The following IRF8 variants were observed in gnomAD, a reference collection of about 807,000 sequenced individuals.
The protein encoded by IRF8 is interferon consensus sequence binding protein 1.
IRF8 carries 14 observed loss-of-function variants against 48.7 expected under a neutral mutation model. The observed-to-expected ratio is 0.29, with a 90% CI of 0.19 to 0.45. The LOEUF (loss-of-function observed/expected upper bound fraction) is 0.45. Among genes scored for constraint, IRF8 ranks in the 20% least tolerant of loss-of-function variants. The probability of loss-of-function intolerance (pLI) is 1.00; values close to 1 mark genes in which losing one functional copy is unlikely to be tolerated. For missense variants in IRF8, 493 were observed against 580.7 expected (o/e 0.85, Z 1.55); for synonymous variants, 278 against 227.3 (o/e 1.22, Z -2.01).
At chr16:85,912,949 C>G (rs1434515739) in intron 4 of IRF8, among the ~76,000 whole-genome samples, 182 bp from the exon 5 acceptor site, 2 of 152,242 alleles carry the variant, frequency 1.3e-5, no homozygotes, top group Non-Finnish European at 2.9e-5. Context: ...GAATGCTAAG[C>G]CTGGTAGATT....
chr16:85,909,253 T>A (rs551034020), intron 3 of IRF8, 80 bp downstream of exon 3: 3 of 1,154,786 alleles, frequency 2.6e-6, no homozygotes, highest in Admixed American at 3.7e-5. Context: ...GGGTCTGGGG[T>A]AGACACAGGG....
At chr16:85,900,171 A>G (rs1904785279) in intron 1 of IRF8, among the ~76,000 whole-genome samples, 1 of 152,136 alleles carries the variant, frequency 6.6e-6, no homozygotes, top group Admixed American at 6.5e-5. Flanking sequence ...GCTAGGCCAG[A>G]GCGAGTGCCC....
At position 85,918,436 on chromosome 16, in the gene IRF8, C is replaced by G. The variant is rs1427371180; in HGVS notation, c.621C>G (p.Ile207Met). The change falls in exon 7 of 9, where the codon ATC becomes ATG. Residue 207 changes from isoleucine (I) to methionine (M), a missense_variant. Ile to Met is a conservative substitution (Grantham distance 10). Around this residue, in one of 3 missense-constraint regions of IRF8, gnomAD observed 408 missense variants for 449.6 expected, o/e 0.91. Transcript: ENST00000268638. ...AHHSAFSQMV[I>M]SFYYGGKLVG... ...CCACAGCATTCTCCCAGATGGTGAT[C>G]AGCTTCTACTATGGGGGCAAGCTGG... 6 of 1,594,524 alleles carry G rather than the reference C, an allele frequency of 3.8e-6. No individual in the cohort carries two copies. Among genetic ancestry groups the G allele is most frequent in the Non-Finnish European group, 5.1e-6 (6 of 1,177,884 alleles).
In IRF8 at chr16:85,914,497, C is replaced by T. The variant is rs775333449; in HGVS notation, c.578C>T (p.Thr193Ile). Reference protein sequence around the residue: ...STGVPLVTGYTTYDAHHSAFS... With the variant: ...STGVPLVTGYITYDAHHSAFS... ...GGCGTGCCGCTGGTGACGGGGTACA[C>T]CACCTACGACGCGCACCATTCAGGT... The change falls in exon 6 of 9, where the codon ACC becomes ATC. Residue 193 changes from threonine to isoleucine, a missense_variant. Thr to Ile is a moderately conservative substitution (Grantham distance 89). Around this residue, in one of 3 missense-constraint regions of IRF8, gnomAD observed 408 missense variants for 449.6 expected, o/e 0.91. Transcript: ENST00000268638. 1.2e-6 allele frequency: 2 copies of T among 1,614,140 alleles called. No homozygotes were observed. The highest frequency in any genetic ancestry group is 2.2e-5 in the South Asian group (2 of 91,088).
chr16:85,902,776 G>C (rs79095430), intron 1 of IRF8: 1 of 354,176 alleles, frequency 2.8e-6, no homozygotes, highest in Non-Finnish European at 4.6e-6. Context: ...GGCCTGCAGG[G>C]GGCTGCTGGT....
Position 85,913,213 on chromosome 16 carries a change from G to C in IRF8, c.530G>C (p.Trp177Ser), listed in dbSNP as rs1392035627. 6.2e-7 allele frequency: 1 copy of C among 1,613,900 alleles called. No individual in the cohort carries two copies. The highest frequency in any genetic ancestry group is 1.7e-5 in the Admixed American group (1 of 60,034). ...TGTCGGAGTCAGCTCCTTCCAGACTGGTGGGCGCAGCAGCCCAGCACAGGT... is the reference window on the plus strand; with the variant it reads ...TGTCGGAGTCAGCTCCTTCCAGACTCGTGGGCGCAGCAGCCCAGCACAGGT... ...EACRSQLLPD[W>S]WAQQPSTGVP... Residue 177 changes from tryptophan (W) to serine (S), a missense_variant, in exon 5 of 9, where the codon TGG (tryptophan) becomes TCG (serine). Physicochemically the swap from Trp to Ser is radical, Grantham distance 177 (BLOSUM62 -3). Transcript: ENST00000268638.
intron 3 of IRF8, 94 bp downstream of exon 3, chr16:85,909,267 G>C (rs1191707622): frequency 7.3e-6 from 7 of 959,620 alleles, no homozygotes; most frequent in African/African-American, 1.6e-5. Context: ...CACAGGGTCT[G>C]GGGCACATAG....
At chr16:85,901,661 C>T (rs991846812) in intron 1 of IRF8, among the ~76,000 whole-genome samples, 3 of 152,156 alleles carry the variant, frequency 2.0e-5, no homozygotes, top group South Asian at 2.1e-4. Context: ...AATCCATAAA[C>T]GCACAACTGA....
intron 6 of IRF8, among the ~76,000 whole-genome samples, chr16:85,917,813 T>C (rs967726862): frequency 6.6e-6 from 1 of 152,258 alleles, no homozygotes; most frequent in Non-Finnish European, 1.5e-5. Flanking sequence ...ATTCTGTGTG[T>C]GCCACTTTTG....
At chr16:85,913,284 T>G in intron 5 of IRF8, 48 bp downstream of exon 5, 2 of 1,342,608 alleles carry the variant, frequency 1.5e-6, no homozygotes, top group Non-Finnish European at 2.1e-6. Flanking sequence ...CCTGAAGGGT[T>G]TACGGCATTC....
At chr16:85,920,437 G>A (rs1378998801) in intron 8 of IRF8, among the ~76,000 whole-genome samples, 1 of 152,100 alleles carries the variant, frequency 6.6e-6, no homozygotes, top group African/African-American at 2.4e-5. Flanking sequence ...TAGTAGAGAT[G>A]GGGTTTCACC....
intron 3 of IRF8, among the ~76,000 whole-genome samples, chr16:85,911,236 T>G (rs1275378254): frequency 6.6e-6 from 1 of 152,234 alleles, no homozygotes; most frequent in Non-Finnish European, 1.5e-5. Flanking sequence ...TGTAACCTTC[T>G]TAAGTTAGCA....
chr16:85,914,858 C>A (rs1480044965), intron 6 of IRF8, among the ~76,000 whole-genome samples: 1 of 150,646 alleles, frequency 6.6e-6, no homozygotes, highest in Non-Finnish European at 1.5e-5. Flanking sequence ...CCCAATTTCT[C>A]CTCCTCACCA....
intron 6 of IRF8, among the ~76,000 whole-genome samples, chr16:85,918,011 T>C (rs149137408): frequency 1.3e-5 from 2 of 152,234 alleles, no homozygotes; most frequent in Admixed American, 6.5e-5. Flanking sequence ...CCTTTTGTTA[T>C]GAATGTAGGC....
rs1184692322 is a variant in IRF8, at chr16:85,913,013, G to C, written c.448-118G>C. 29 of 832,114 alleles carry C rather than the reference G, an allele frequency of 3.5e-5. No individual in the cohort carries two copies. In the Admixed American group the frequency reaches 4.9e-4, roughly 14 times the overall value. 51.5% of individuals were successfully genotyped at this position (832,114 alleles called of 1,614,324 possible). ...GTGAAACTTGACTTTTGTCTCCTGA[G>C]ATAAAGGTGACAATATGGTTTTACT... On this transcript the variant is annotated intron_variant, in intron 4 of 8. Transcript: ENST00000268638.
intron 5 of IRF8, among the ~76,000 whole-genome samples, chr16:85,913,538 G>A (rs942655164): frequency 1.3e-5 from 2 of 152,256 alleles, no homozygotes; most frequent in East Asian, 1.9e-4. Flanking sequence ...AGGGTCTAGT[G>A]AACTTGTGTA....
At chr16:85,918,841 G>C in intron 7 of IRF8, 38 bp downstream of exon 7, 1 of 1,600,970 alleles carries the variant, frequency 6.2e-7, no homozygotes, top group Non-Finnish European at 8.5e-7. Flanking sequence ...CCACATCTTA[G>C]AGATCACGCC....
chr16:85,916,828 G>A (rs751511508), intron 6 of IRF8, among the ~76,000 whole-genome samples: 10 of 152,240 alleles, frequency 6.6e-5, no homozygotes, highest in African/African-American at 2.4e-4. Context: ...GGAAGATGAT[G>A]AGTGAGGAAG....
At chr16:85,907,422 G>A (rs1269824424) in intron 2 of IRF8, among the ~76,000 whole-genome samples, 2 of 152,254 alleles carry the variant, frequency 1.3e-5, no homozygotes, top group Admixed American at 6.5e-5. Context: ...GCTCACGCCT[G>A]TAAGCCCAGC....
Sources: gnomAD v4.1 joint callset for allele counts (sites outside exome capture counted in the v4.1 genomes callset) on GRCh38, gnomAD v4.1.1 for gene constraint, gnomAD v4.1.1 regional missense constraint, MANE v1.5 for transcripts, NCBI Gene and HGNC (gene_info 2026-07-23, HGNC 2026-07-21) for gene names.